Variants in GRIN2A observed in about 807,000 individuals in gnomAD.
GRIN2A encodes the protein glutamate ionotropic receptor NMDA type subunit 2A, also known as glutamate receptor ionotropic, NMDA 2A.
A neutral mutation model predicts 113.4 loss-of-function variants in GRIN2A; 22 were observed. The observed-to-expected ratio is 0.19, with a 90% CI of 0.14 to 0.28. The LOEUF (loss-of-function observed/expected upper bound fraction) is 0.28, where lower values mean the gene tolerates loss of function less well. Among genes scored for constraint, GRIN2A ranks in the 10% least tolerant of loss-of-function variants. The probability of loss-of-function intolerance (pLI) is 1.00; values close to 1 mark genes in which losing one functional copy is unlikely to be tolerated. For missense variants in GRIN2A, 1,502 were observed against 1,887.0 expected (o/e 0.80, Z 3.78); for synonymous variants, 827 against 738.4 (o/e 1.12, Z -1.94).
chr16:9,813,572 TAAC>T (rs2042130300), intron 10 of GRIN2A, among the ~76,000 whole-genome samples: 1 of 151,438 alleles, frequency 6.6e-6, no homozygotes. Context: ...TCACTTTATT[TAAC>T]TCCTGCCCCC....
intron 2 of GRIN2A, among the ~76,000 whole-genome samples, chr16:10,114,375 A>G (rs982296063): frequency 7.2e-5 from 11 of 152,196 alleles, no homozygotes; most frequent in Admixed American, 4.6e-4. Context: ...ATGTGCGGGT[A>G]AAGCCAAAAG....
chr16:10,052,043 T>C (rs1229033657), intron 2 of GRIN2A, among the ~76,000 whole-genome samples: 1 of 152,190 alleles, frequency 6.6e-6, no homozygotes, highest in Non-Finnish European at 1.5e-5. Context: ...AACTACAGAA[T>C]TATAATGGCC....
chr16:10,138,004 C>G (rs1567326200), intron 2 of GRIN2A, among the ~76,000 whole-genome samples: 1 of 152,202 alleles, frequency 6.6e-6, no homozygotes, highest in Non-Finnish European at 1.5e-5. Flanking sequence ...AAGCCAGATT[C>G]CAAATTTGGA....
intron 2 of GRIN2A, chr16:10,112,450 G>C (rs1026302740): frequency 5.1e-6 from 4 of 784,294 alleles, no homozygotes; most frequent in Non-Finnish European, 9.2e-6. Flanking sequence ...CAGCACTTTG[G>C]TGTGTCCATC....
intron 9 of GRIN2A, among the ~76,000 whole-genome samples, chr16:9,824,639 A>G (rs975057764): frequency 2.6e-5 from 4 of 152,218 alleles, no homozygotes; most frequent in Non-Finnish European, 5.9e-5. Flanking sequence ...ACCAAGCTCC[A>G]GGAACCTTTT....
At chr16:9,990,562 C>T (rs1161427674) in intron 2 of GRIN2A, among the ~76,000 whole-genome samples, 4 of 51,846 alleles carry the variant, frequency 7.7e-5, no homozygotes, top group East Asian at 5.2e-4. Flanking sequence ...CGCGCGCGCG[C>T]GCACACACAC....
chr16:10,151,915 A>C (rs2049586136), intron 2 of GRIN2A, among the ~76,000 whole-genome samples: 1 of 152,230 alleles, frequency 6.6e-6, no homozygotes, highest in South Asian at 2.1e-4. Context: ...AGGCAGCTGC[A>C]GGTGAGATAT....
Position 9,903,489 on chromosome 16 carries a change from G to A in GRIN2A, c.1008-12389C>T, listed in dbSNP as rs1052612143. Among the ~76,000 whole-genome samples, 5 of 152,092 alleles carry A rather than the reference G, an allele frequency of 3.3e-5. No individual in the cohort carries two copies. The East Asian group carries it at 7.7e-4, about 23-fold the overall frequency. On this transcript the variant is annotated intron_variant, in intron 3 of 12. Transcript: ENST00000330684. ...AAAAGGGATACCTTAATCTCCACCC[G>A]AGGACCACCTTTTCCCTACTTGACA...
chr16:10,104,094 C>G (rs75369470), intron 2 of GRIN2A, among the ~76,000 whole-genome samples: 1 of 152,102 alleles, frequency 6.6e-6, no homozygotes, highest in Non-Finnish European at 1.5e-5. Context: ...ACTGTGAAAA[C>G]AAGAGTAGGC....
At chr16:10,135,256 T>C (rs2049167737) in intron 2 of GRIN2A, among the ~76,000 whole-genome samples, 1 of 152,228 alleles carries the variant, frequency 6.6e-6, no homozygotes, top group South Asian at 2.1e-4. Flanking sequence ...CCTCCAGTTT[T>C]CAATAACATT....
At chr16:10,087,312 T>C (rs1316053500) in intron 2 of GRIN2A, among the ~76,000 whole-genome samples, 22 of 152,200 alleles carry the variant, frequency 1.4e-4, no homozygotes, top group Non-Finnish European at 1.5e-5. Flanking sequence ...ACAGGACTCC[T>C]CCCTACTGGA....
At chr16:10,004,523 G>A (rs2046373334) in intron 2 of GRIN2A, among the ~76,000 whole-genome samples, 1 of 152,118 alleles carries the variant, frequency 6.6e-6, no homozygotes, top group Admixed American at 6.5e-5. Context: ...AGTTGCACTG[G>A]GCTAAAATCA....
At position 10,089,507 on chromosome 16, in the gene GRIN2A, G is replaced by T. The variant is rs562239587; in HGVS notation, c.414+90491C>A. Among the ~76,000 whole-genome samples the T allele has an allele frequency of 2.0e-4, 31 of 152,226 alleles. No individual in the cohort carries two copies. In the South Asian group the frequency reaches 6.2e-3, roughly 31 times the overall value. ...AGGAGGGCAGTTGATACAGGTTATG[G>T]TTTAGGAACGATTTTTCTAAGGAGT... On this transcript the variant is annotated intron_variant, in intron 2 of 12. Coordinates refer to ENST00000330684, the MANE Select transcript of GRIN2A (RefSeq NM_001134407.3).
intron 10 of GRIN2A, among the ~76,000 whole-genome samples, chr16:9,804,153 G>A (rs1006952576): frequency 6.6e-6 from 1 of 152,140 alleles, no homozygotes; most frequent in South Asian, 2.1e-4. Context: ...GGGTAAGAAA[G>A]AGAAAAAAGG....
Position 10,111,901 on chromosome 16 carries a change from C to T in GRIN2A, c.414+68097G>A, listed in dbSNP as rs146784175. 3,058 of 853,324 alleles carry T rather than the reference C, an allele frequency of 3.6e-3. 70 individuals are homozygous for T. In the African/African-American group the frequency reaches 0.045, roughly 12 times the overall value. The allele number at this position is 853,324 out of a possible 1,614,324, so 52.9% of individuals were successfully genotyped here. On this transcript the variant is annotated intron_variant, in intron 2 of 12. Coordinates refer to ENST00000330684, the MANE Select transcript of GRIN2A (RefSeq NM_001134407.3). ...TCTTGCTGAGAAGGACCACACCACC[C>T]TCCTCAGTGAGGTGATGACGCCAAG...
rs761399460 is a variant in GRIN2A, at chr16:9,764,038, C to T, written c.3506G>A (p.Arg1169Gln). 2.5e-6 allele frequency: 4 copies of T among 1,613,950 alleles called. No individual in the cohort carries two copies. Among genetic ancestry groups the T allele is most frequent in the African/African-American group, 1.3e-5 (1 of 75,004 alleles). ...CCCCTCTTCATTATGCAAGGGGTTCCGGTTCATTGGCAGCGTGGAGTCCCC... is the reference window on the plus strand; with the variant it reads ...CCCCTCTTCATTATGCAAGGGGTTCTGGTTCATTGGCAGCGTGGAGTCCCC... ...RKGDSTLPMN[R>Q]NPLHNEEGLS... Residue 1169 changes from arginine to glutamine, a missense_variant, in exon 13 of 13, where the codon CGG (arginine) becomes CAG (glutamine). Arg to Gln is a conservative substitution (Grantham distance 43, BLOSUM62 1). Around this residue, in one of 7 missense-constraint regions of GRIN2A, gnomAD observed 832 missense variants for 789.7 expected, o/e 1.05. Transcript: ENST00000330684.
intron 2 of GRIN2A, among the ~76,000 whole-genome samples, chr16:10,015,272 G>GAAAA (rs1189929832): frequency 2.6e-5 from 2 of 76,054 alleles, no homozygotes; most frequent in African/African-American, 5.7e-5. Context: ...AAAAAAAAAA[G>GAAAA]AAAAAAAAAA....
At chr16:9,811,468 C>G (rs2042085408) in intron 10 of GRIN2A, among the ~76,000 whole-genome samples, 1 of 152,140 alleles carries the variant, frequency 6.6e-6, no homozygotes, top group Non-Finnish European at 1.5e-5. Context: ...CAAGCAATAA[C>G]AAGAGGTGGG....
intron 2 of GRIN2A, among the ~76,000 whole-genome samples, chr16:10,131,273 T>C (rs1275799484): frequency 1.3e-5 from 2 of 152,108 alleles, no homozygotes; most frequent in Non-Finnish European, 1.5e-5. Flanking sequence ...GCTGTAGTAG[T>C]GAGGGGCCAT....
Sources: gnomAD v4.1 joint callset for allele counts (sites outside exome capture counted in the v4.1 genomes callset) on GRCh38, gnomAD v4.1.1 for gene constraint, gnomAD v4.1.1 regional missense constraint, MANE v1.5 for transcripts, NCBI Gene and HGNC (gene_info 2026-07-23, HGNC 2026-07-21) for gene names.